The following JMJD1C variants were observed in gnomAD, a reference collection of about 807,000 sequenced individuals.
The protein encoded by JMJD1C is jumonji domain containing 1C.
In JMJD1C, 31 loss-of-function variants were observed where a neutral mutation model predicts 245.3. That is an observed-to-expected ratio of 0.13 (90% CI 0.09 to 0.17). JMJD1C has a LOEUF of 0.17. Among genes scored for constraint, JMJD1C ranks in the 10% least tolerant of loss-of-function variants. The probability of loss-of-function intolerance (pLI) is 1.00; values close to 1 mark genes in which losing one functional copy is unlikely to be tolerated. For synonymous variants in JMJD1C, 1,057 were observed against 1,017.4 expected, an observed-to-expected ratio of 1.04 and a Z score of -0.74; for missense variants, 2,691 against 3,000.2, an observed-to-expected ratio of 0.90 and a Z score of 2.41.
intron 1 of JMJD1C, among the ~76,000 whole-genome samples, chr10:63,454,257 A>ATTTTTTTTTTTTTTTTTTTTTT (rs112838462): frequency 6.8e-6 from 1 of 146,066 alleles, no homozygotes. Context: ...GGAGAAATTG[A>ATTTTTTTTTTTTTTTTTTTTTT]TTTTTTTTTT....
intron 1 of JMJD1C, among the ~76,000 whole-genome samples, chr10:63,424,623 CAGCCTCCCAAGT>C (rs1950332432): frequency 6.7e-6 from 1 of 148,898 alleles, no homozygotes. Flanking sequence ...CCTCCTACCT[CAGCCTCCCAAGT>C]AGCTGGGATT....
At position 63,348,994 on chromosome 10, in the gene JMJD1C, G is replaced by C. The variant is rs190051283; in HGVS notation, c.333+31324C>G. 1.3e-3 allele frequency among the ~76,000 whole-genome samples: 189 copies of C among 150,634 alleles called. No homozygotes were observed. The East Asian group carries it at 0.013, about 10-fold the overall frequency. ...CAGGTGCCTGTAATCCTAGCTACTT[G>C]GGAGGCAGAGGCAGGAGAATCACTT... On this transcript the variant is annotated intron_variant, in intron 2 of 25. Transcript: ENST00000399262.
At chr10:63,289,701 T>A (rs987763066) in intron 2 of JMJD1C, among the ~76,000 whole-genome samples, 1 of 152,196 alleles carries the variant, frequency 6.6e-6, no homozygotes, top group African/African-American at 2.4e-5. Flanking sequence ...GTAATCCATA[T>A]TACTTAAAGT....
intron 1 of JMJD1C, among the ~76,000 whole-genome samples, chr10:63,431,457 G>A (rs1950740711): frequency 6.6e-6 from 1 of 152,144 alleles, no homozygotes; most frequent in East Asian, 1.9e-4. Flanking sequence ...TCTGAGGTAG[G>A]GACTTCAAGT....
chr10:63,303,082 G>GA (rs1211651665), intron 2 of JMJD1C, among the ~76,000 whole-genome samples: 1 of 151,654 alleles, frequency 6.6e-6, no homozygotes, highest in East Asian at 1.9e-4. Flanking sequence ...AAAGTAATAG[G>GA]AAAAAAATTG....
chr10:63,295,683 T>G (rs1859291774), intron 2 of JMJD1C, among the ~76,000 whole-genome samples: 2 of 152,004 alleles, frequency 1.3e-5, no homozygotes, highest in African/African-American at 4.8e-5. Context: ...TCAAGAAAAA[T>G]CTGGTAGGTA....
intron 1 of JMJD1C, among the ~76,000 whole-genome samples, chr10:63,447,975 A>C (rs948427471): frequency 1.3e-5 from 2 of 151,954 alleles, no homozygotes; most frequent in Admixed American, 6.6e-5. Flanking sequence ...GAAAGAAAAA[A>C]TTTCCTTGAA....
intron 1 of JMJD1C, among the ~76,000 whole-genome samples, chr10:63,402,144 A>AAAAC (rs1554923062): frequency 4.8e-5 from 7 of 146,302 alleles, no homozygotes; most frequent in Non-Finnish European, 9.0e-5. Context: ...AAAAAAAAAG[A>AAAAC]AAAAAAAACA....
chr10:63,429,143 C>A (rs10761764), intron 1 of JMJD1C, among the ~76,000 whole-genome samples: 1 of 152,034 alleles, frequency 6.6e-6, no homozygotes, highest in East Asian at 1.9e-4. Context: ...ACCACACCTG[C>A]CTAATTTTAT....
At chr10:63,263,420 C>T (rs1456858724) in intron 3 of JMJD1C, among the ~76,000 whole-genome samples, 1 of 152,128 alleles carries the variant, frequency 6.6e-6, no homozygotes. Flanking sequence ...CTCATTAACA[C>T]AAGCTCTTGT....
At chr10:63,514,414 T>TAC (rs1221916012) in intron 1 of JMJD1C, among the ~76,000 whole-genome samples, 2 of 152,018 alleles carry the variant, frequency 1.3e-5, no homozygotes, top group Admixed American at 6.6e-5. Context: ...GAAAATGTAG[T>TAC]ACACACACAC....
rs991728795 is a variant in JMJD1C at position 63,465,948 on chromosome 10, A to AGCCGCCGCC, written c.-295_-287dup. 9.4e-6 allele frequency: 5 copies of AGCCGCCGCC among 533,006 alleles called. No individual in the cohort carries two copies. Among genetic ancestry groups the AGCCGCCGCC allele is most frequent in the Non-Finnish European group, 1.7e-5 (5 of 288,808 alleles). The allele number at this position is 533,006 out of a possible 1,614,324, so 33.0% of individuals were successfully genotyped here. A position where few individuals can be genotyped will look rare whatever the true frequency, so the allele number is the denominator to read the frequency against. The stretch of plus-strand genomic sequence containing the variant: ...GCCGTCGAAGACCCCGAGGCAGCCC[A>AGCCGCCGCC]GCCGCCGCCACCGCGCCGCGGCCAG... On this transcript the variant is annotated 5_prime_UTR_variant, in exon 1 of 26. Transcript: ENST00000399262.
chr10:63,273,742 T>C (rs987216850), intron 2 of JMJD1C, among the ~76,000 whole-genome samples: 26 of 152,236 alleles, frequency 1.7e-4, no homozygotes, highest in African/African-American at 6.3e-4. Context: ...TGCCCAGAAA[T>C]ACACATCTCT....
chr10:63,408,862 TAC>T (rs1949326096), intron 1 of JMJD1C, among the ~76,000 whole-genome samples: 1 of 152,108 alleles, frequency 6.6e-6, no homozygotes, highest in South Asian at 2.1e-4. Flanking sequence ...GGAGGGCCAG[TAC>T]AGATATAAAG....
intron 5 of JMJD1C, 74 bp from the exon 6 acceptor site, chr10:63,215,770 C>G: frequency 9.4e-7 from 1 of 1,062,104 alleles, no homozygotes; most frequent in Non-Finnish European, 1.3e-6. Context: ...AATTTCTTTA[C>G]TCAGTAGAAA....
At chr10:63,417,774 T>C (rs1236271179) in intron 1 of JMJD1C, among the ~76,000 whole-genome samples, 3 of 152,170 alleles carry the variant, frequency 2.0e-5, no homozygotes, top group Non-Finnish European at 4.4e-5. Context: ...ATGAAACTTG[T>C]ATTAAGAAAG....
At chr10:63,249,128 C>T (rs1852690368) in intron 3 of JMJD1C, among the ~76,000 whole-genome samples, 1 of 152,076 alleles carries the variant, frequency 6.6e-6, no homozygotes. Flanking sequence ...CCAGACTGAC[C>T]AGCATGATAA....
At chr10:63,270,226 G>A (rs1003671579) in intron 2 of JMJD1C, among the ~76,000 whole-genome samples, 4 of 152,106 alleles carry the variant, frequency 2.6e-5, no homozygotes, top group Non-Finnish European at 5.9e-5. Flanking sequence ...GAGCGCAGTG[G>A]CATGATCTCA....
At chr10:63,305,627 G>A (rs1257676906) in intron 2 of JMJD1C, among the ~76,000 whole-genome samples, 1 of 58,610 alleles carries the variant, frequency 1.7e-5, no homozygotes, top group Admixed American at 1.8e-4. Context: ...CCACCATGCT[G>A]GCGTGTGTGT....
Sources: allele counts gnomAD v4.1 joint callset (sites outside exome capture counted in the v4.1 genomes callset), GRCh38; gene constraint gnomAD v4.1.1; transcripts MANE v1.5; gene names NCBI Gene and HGNC (gene_info 2026-07-23, HGNC 2026-07-21).